USF3: variants seen among roughly 807,000 people sequenced by gnomAD.
USF3 encodes basic helix-loop-helix domain-containing protein USF3.
USF3 carries 29 observed loss-of-function variants against 157.5 expected under a neutral mutation model. That is an observed-to-expected ratio of 0.18 (90% CI 0.14 to 0.25). The LOEUF (loss-of-function observed/expected upper bound fraction) is 0.25, where lower values mean the gene tolerates loss of function less well. USF3 is among the 10% of genes least tolerant of loss of function. USF3 has a pLI of 1.00. For missense variants in USF3, 2,381 were observed against 2,667.6 expected (o/e 0.89, Z 2.37); for synonymous variants, 893 against 941.4 (o/e 0.95, Z 0.94).
chr3:113,674,785 C>T (rs751647364), intron 3 of USF3, 47 bp downstream of exon 3: 1 of 1,526,612 alleles, frequency 6.6e-7, no homozygotes, highest in South Asian at 1.1e-5. Context: ...ACTAATTCTG[C>T]TTCTTATCTG....
Position 113,659,904 on chromosome 3 carries a change from A to G in USF3, c.1778T>C (p.Leu593Pro). The G allele has an allele frequency of 6.2e-7, 1 of 1,614,182 alleles. No homozygotes were observed. The highest frequency in any genetic ancestry group is 8.5e-7 in the Non-Finnish European group (1 of 1,180,022). ...IQAANQNPLP[L>P]LPAPPPGSVR... Reference sequence around the variant, plus strand: ...AGAACCAGGAGGTGGAGCAGGGAGGAGTGGCAAAGGATTCTGATTAGCAGC... The same window carrying G: ...AGAACCAGGAGGTGGAGCAGGGAGGGGTGGCAAAGGATTCTGATTAGCAGC... The change falls in exon 7 of 7, where the codon CTC becomes CCC. Residue 593 changes from leucine (L) to proline (P), a missense_variant. Coordinates refer to ENST00000316407, the MANE Select transcript of USF3 (RefSeq NM_001009899.4).
Position 113,657,263 on chromosome 3 carries a change from TTGCTGCTGCTGCTGCTGC to T in USF3, c.4401_4418del (p.Gln1473_Gln1478del), listed in dbSNP as rs10606566. On this transcript the variant is annotated inframe_deletion, in exon 7 of 7. Coordinates refer to ENST00000316407, the MANE Select transcript of USF3 (RefSeq NM_001009899.4). ...ACTGCCCTGCTTGTTGTTGTTGCTG[TTGCTGCTGCTGCTGCTGC>T]TGCTGCTGCTGCTGCTGCTTTATGT... The T allele has an allele frequency of 8.1e-4, 1,275 of 1,582,754 alleles. 14 individuals carry two copies. In the African/African-American group the frequency reaches 0.015, roughly 18 times the overall value.
intron 1 of USF3, among the ~76,000 whole-genome samples, chr3:113,687,879 T>C (rs1444990770): frequency 1.3e-5 from 2 of 152,236 alleles, no homozygotes; most frequent in African/African-American, 2.4e-5. Context: ...CAAATGCTTA[T>C]TGAATGAACA....
intron 1 of USF3, among the ~76,000 whole-genome samples, chr3:113,695,742 T>C (rs1248526144): frequency 6.6e-6 from 1 of 152,152 alleles, no homozygotes; most frequent in Non-Finnish European, 1.5e-5. Flanking sequence ...ACTATCAAAA[T>C]TGTAAACATG....
At chr3:113,682,473 CTT>C (rs1212277167) in intron 1 of USF3, among the ~76,000 whole-genome samples, 2 of 152,126 alleles carry the variant, frequency 1.3e-5, no homozygotes, top group African/African-American at 4.8e-5. Flanking sequence ...GTAAATATCT[CTT>C]AAGTCCATTT....
intron 1 of USF3, among the ~76,000 whole-genome samples, chr3:113,685,872 T>C (rs1281410483): frequency 1.3e-5 from 2 of 152,186 alleles, no homozygotes; most frequent in African/African-American, 2.4e-5. Flanking sequence ...TTTATTTTAC[T>C]GTAGCTGAGC....
At chr3:113,663,885 T>C (rs981286991) in intron 6 of USF3, among the ~76,000 whole-genome samples, 1 of 152,238 alleles carries the variant, frequency 6.6e-6, no homozygotes. Flanking sequence ...ACAAAATGAA[T>C]GTTTTGGCCT....
intron 6 of USF3, among the ~76,000 whole-genome samples, chr3:113,663,384 A>G (rs1003255216): frequency 3.3e-5 from 5 of 152,232 alleles, no homozygotes; most frequent in Non-Finnish European, 5.9e-5. Context: ...AATGGTTACT[A>G]AACATGGATC....
rs763944817 is a variant in USF3, at chr3:113,659,757, G to C, written c.1925C>G (p.Ser642Cys). Residue 642 changes from serine (S) to cysteine (C), a missense_variant, in exon 7 of 7, where the codon TCT becomes TGT. Coordinates refer to ENST00000316407, the MANE Select transcript of USF3 (RefSeq NM_001009899.4). ...HLVHILPRPS[S>C]LSASNSTQTF... is the part of the protein sequence containing the mutation. ...TTGTGTTGAGTTAGACGCTGATAAA[G>C]ATGAAGGTCTTGGTAATATGTGGAC... The C allele has an allele frequency of 7.4e-6, 12 of 1,614,132 alleles. No homozygotes were observed. In the South Asian group the frequency reaches 8.8e-5, roughly 12 times the overall value.
Position 113,651,784 on chromosome 3 carries a change from G to A in USF3, c.*3160C>T, listed in dbSNP as rs1260346370. 1 of 152,202 alleles carries A rather than the reference G, an allele frequency of 6.6e-6. No homozygotes were observed. Among genetic ancestry groups the A allele is most frequent in the Admixed American group, 6.5e-5 (1 of 15,282 alleles). The allele number at this position is 152,202 out of a possible 1,614,324, so 9.4% of individuals were successfully genotyped here. The stretch of plus-strand genomic sequence containing the variant: ...ATCTGTAAAGTAATGAGAGCTACAC[G>A]TAAGCAGGAGCCAATTATTCACAGA... On this transcript the variant is annotated 3_prime_UTR_variant, in exon 7 of 7. Transcript: ENST00000316407.
intron 1 of USF3, among the ~76,000 whole-genome samples, chr3:113,694,363 T>C (rs1381855876): frequency 6.6e-6 from 1 of 152,226 alleles, no homozygotes; most frequent in East Asian, 1.9e-4. Context: ...CAATTTCTCA[T>C]ACATGACTGG....
intron 1 of USF3, among the ~76,000 whole-genome samples, chr3:113,683,440 T>C (rs1707479886): frequency 6.7e-6 from 1 of 149,248 alleles, no homozygotes; most frequent in Non-Finnish European, 1.5e-5. Flanking sequence ...AATACAAAAC[T>C]CTACACTTAC....
At chr3:113,692,769 T>A (rs1422854218) in intron 1 of USF3, among the ~76,000 whole-genome samples, 2 of 152,236 alleles carry the variant, frequency 1.3e-5, no homozygotes, top group African/African-American at 4.8e-5. Flanking sequence ...CTGATCTAAT[T>A]AAAAGATCTG....
At position 113,657,031 on chromosome 3, in the gene USF3, T is replaced by C; in HGVS notation, c.4651A>G (p.Lys1551Glu). 2 of 1,614,138 alleles carry C rather than the reference T, an allele frequency of 1.2e-6. No homozygotes were observed. The highest frequency in any genetic ancestry group is 1.7e-6 in the Non-Finnish European group (2 of 1,180,028). ...TGGTGGGGATGTGGCTGGCCAGTCT[T>C]GGATCGGGATTGGTCAGTTCCATGG... The part of the protein sequence containing the change: ...KHHGTDQSRS[K>E]TGQPHPHHQQ... Residue 1551 changes from lysine (K) to glutamate (E), a missense_variant, in exon 7 of 7, where the codon AAG becomes GAG. Transcript: ENST00000316407.
In USF3 at chr3:113,656,213, T is replaced by C. The variant is rs148077766; in HGVS notation, c.5469A>G (p.Leu1823=). The change falls in exon 7 of 7, where the codon TTA becomes TTG. Residue 1823 remains leucine (L), a synonymous_variant. Coordinates refer to ENST00000316407, the MANE Select transcript of USF3 (RefSeq NM_001009899.4). The stretch of plus-strand genomic sequence containing the variant: ...CCTGATCACTGAGGTGAGGGGCAAG[T>C]AAGCTCTGCATGAAACTTTGGTGAC... ...NTCHQSFMQS[L]LAPHLSDQVI... is the part of the protein sequence containing the mutation. 516 of 1,614,206 alleles carry C rather than the reference T, an allele frequency of 3.2e-4. 1 individual carries two copies. The African/African-American group carries it at 6.4e-3, about 20-fold the overall frequency.
At position 113,659,792 on chromosome 3, in the gene USF3, T is replaced by C; in HGVS notation, c.1890A>G (p.Gly630=). ...QNVPTPQTFG[G]KHLVHILPRP... ...TTGGTAATATGTGGACAAGATGCTT[T>C]CCTCCAAAAGTCTGTGGTGTTGGAA... is the stretch of plus-strand genomic sequence containing the variant. The change falls in exon 7 of 7, where the codon GGA becomes GGG. Residue 630 remains glycine (G), a synonymous_variant. Coordinates refer to ENST00000316407, the MANE Select transcript of USF3 (RefSeq NM_001009899.4). 1 of 1,614,250 alleles carries C rather than the reference T, an allele frequency of 6.2e-7. No homozygotes were observed. The highest frequency in any genetic ancestry group is 8.5e-7 in the Non-Finnish European group (1 of 1,180,042).
chr3:113,660,107 T>G lies in USF3; in HGVS notation c.1575A>C (p.Pro525=). ...GAATCACTTGCATTGCTGAATTCAGTGGAAGGATATTTTTGGGAGGCTGAG... is the reference window on the plus strand; with the variant it reads ...GAATCACTTGCATTGCTGAATTCAGGGGAAGGATATTTTTGGGAGGCTGAG... The part of the protein sequence containing the change: ...VKSQPPKNIL[P]LNSAMQVIQM... Residue 525 remains proline (P), a synonymous_variant, in exon 7 of 7, where the codon CCA becomes CCC. Transcript: ENST00000316407. The G allele has an allele frequency of 5.0e-6, 8 of 1,614,128 alleles. No individual in the cohort carries two copies. Among genetic ancestry groups the G allele is most frequent in the Non-Finnish European group, 6.8e-6 (8 of 1,180,026 alleles).
At chr3:113,671,035 G>A (rs1325982835) in intron 4 of USF3, among the ~76,000 whole-genome samples, 1 of 152,042 alleles carries the variant, frequency 6.6e-6, no homozygotes, top group Non-Finnish European at 1.5e-5. Flanking sequence ...CTGAGTCACT[G>A]CACCAGACCT....
Position 113,649,908 on chromosome 3 carries a change from T to A in USF3, c.*5036A>T. ...TAGTTAAATCCAAAAAAGGCCCTTT[T>A]CTTTCAAACCCTGGGGAAAGAAAAA... On this transcript the variant is annotated 3_prime_UTR_variant, in exon 7 of 7. Coordinates refer to ENST00000316407, the MANE Select transcript of USF3 (RefSeq NM_001009899.4). The A allele has an allele frequency of 4.3e-6, 3 of 699,610 alleles. No homozygotes were observed. Among genetic ancestry groups the A allele is most frequent in the Non-Finnish European group, 7.8e-6 (3 of 383,724 alleles). 43.3% of individuals were successfully genotyped at this position (699,610 alleles called of 1,614,324 possible).
Sources: allele counts gnomAD v4.1 joint callset (sites outside exome capture counted in the v4.1 genomes callset), GRCh38; gene constraint gnomAD v4.1.1; transcripts MANE v1.5; gene names NCBI Gene and HGNC (gene_info 2026-07-23, HGNC 2026-07-21).